ADGB: variants seen among roughly 807,000 people sequenced by gnomAD.
ADGB encodes the protein calpain-7-like protein.
Under a neutral mutation model 210.5 loss-of-function variants are expected in ADGB, and 172 were observed. The observed-to-expected ratio is 0.82, with a 90% CI of 0.72 to 0.93. The LOEUF is 0.93. Ranked by LOEUF, ADGB falls within the 40% of genes least tolerant of loss-of-function variation. The pLI, the probability that ADGB is intolerant of heterozygous loss-of-function variation, is 0.00. For synonymous variants in ADGB, 658 were observed against 662.7 expected (o/e 0.99, Z 0.11); for missense variants, 2,025 against 1,964.8 (o/e 1.03, Z -0.58).
At chr6:146,689,517 A>T (rs1776274022) in intron 10 of ADGB, among the ~76,000 whole-genome samples, 1 of 152,132 alleles carries the variant, frequency 6.6e-6, no homozygotes, top group Non-Finnish European at 1.5e-5. Flanking sequence ...TACATTTCCA[A>T]ATGCTTTAAA....
chr6:146,747,783 ATT>A lies in ADGB; in HGVS notation c.3365+1686_3365+1687del, dbSNP rs66842165. 2.0e-3 allele frequency among the ~76,000 whole-genome samples: 283 copies of A among 140,980 alleles called. 1 individual carries two copies. Among genetic ancestry groups the A allele is most frequent in the Middle Eastern group, 3.6e-3 (1 of 274 alleles). 92.5% of individuals were successfully genotyped at this position (140,980 alleles called of 152,430 possible). ...TGTATATACATATATATATATATGTATTTTTTTTTTTTTGAGACAGAGTCTCA... is the reference window on the plus strand; with the variant it reads ...TGTATATACATATATATATATATGTATTTTTTTTTTTGAGACAGAGTCTCA... On this transcript the variant is annotated intron_variant, in intron 26 of 35. Coordinates refer to ENST00000397944, the MANE Select transcript of ADGB (RefSeq NM_024694.4).
chr6:146,636,863 A>G (rs1775431252), intron 2 of ADGB, among the ~76,000 whole-genome samples: 1 of 152,014 alleles, frequency 6.6e-6, no homozygotes, highest in African/African-American at 2.4e-5. Context: ...ATCCAAATAT[A>G]ACAAGTATCC....
At chr6:146,721,150 A>G (rs2114571323) in intron 16 of ADGB, among the ~76,000 whole-genome samples, 1 of 152,264 alleles carries the variant, frequency 6.6e-6, no homozygotes, top group Middle Eastern at 3.4e-3. Context: ...CTCATAGAGG[A>G]GAGCTCTGCC....
At chr6:146,604,857 A>C (rs1179947057) in intron 1 of ADGB, among the ~76,000 whole-genome samples, 1 of 152,160 alleles carries the variant, frequency 6.6e-6, no homozygotes, top group Non-Finnish European at 1.5e-5. Context: ...GTGGGGGTAG[A>C]GTAGAGGAAT....
rs573694017 is a variant in ADGB at position 146,657,744 on chromosome 6, A to G, written c.612+764A>G. Among the ~76,000 whole-genome samples the G allele has an allele frequency of 7.2e-5, 11 of 152,290 alleles. No individual in the cohort carries two copies. The East Asian group carries it at 2.1e-3, about 29-fold the overall frequency. On this transcript the variant is annotated intron_variant, in intron 5 of 35. Coordinates refer to ENST00000397944, the MANE Select transcript of ADGB (RefSeq NM_024694.4). ...CCAGTCCTCTTCTGGCTTTTGCTGT[A>G]GCTGAGGGGCCTGATCCCATCAGTT... is the stretch of plus-strand genomic sequence containing the variant.
At chr6:146,651,226 C>G (rs998890440) in intron 3 of ADGB, among the ~76,000 whole-genome samples, 1 of 152,206 alleles carries the variant, frequency 6.6e-6, no homozygotes, top group African/African-American at 2.4e-5. Flanking sequence ...CCTGCCCTGC[C>G]TGGTAGCATT....
In ADGB at chr6:146,741,156, C is replaced by A; in HGVS notation, c.3062C>A (p.Pro1021His). The change falls in exon 25 of 36, where the codon CCC becomes CAC. Residue 1021 changes from proline (P) to histidine (H), a missense_variant. By Grantham distance (77) the Pro-to-His change is moderately conservative. Transcript: ENST00000397944. ...FLVHQDMILV[P>H]KVYTTLPICI... ...GTTCATCAAGACATGATTTTGGTTC[C>A]CAAAGTATATACTACACTTCCAATC... The A allele has an allele frequency of 6.5e-7, 1 of 1,535,376 alleles. No homozygotes were observed. Among genetic ancestry groups the A allele is most frequent in the East Asian group, 2.5e-5 (1 of 39,758 alleles).
At chr6:146,664,426 T>A in intron 6 of ADGB, 86 bp downstream of exon 6, 1 of 1,308,878 alleles carries the variant, frequency 7.6e-7, no homozygotes, top group Non-Finnish European at 1.0e-6. Context: ...TTTATTTTTT[T>A]AAAATTAGCT....
chr6:146,605,747 C>T (rs754088782), intron 1 of ADGB, among the ~76,000 whole-genome samples: 7 of 152,108 alleles, frequency 4.6e-5, no homozygotes, highest in South Asian at 4.1e-4. Context: ...GTGTAAAAAA[C>T]GTAGCAAAAT....
chr6:146,716,185 T>G (rs192677790), intron 14 of ADGB, among the ~76,000 whole-genome samples: 1 of 152,332 alleles, frequency 6.6e-6, no homozygotes, highest in Non-Finnish European at 1.5e-5. Context: ...CTTTCAAGTT[T>G]TCATTTCCCT....
At chr6:146,807,327 A>G (rs1219478385) in intron 35 of ADGB, 29 of 1,452,122 alleles carry the variant, frequency 2.0e-5, no homozygotes, top group Non-Finnish European at 2.7e-5. Flanking sequence ...GGCTAAAGGA[A>G]TTTCATTTTT....
chr6:146,655,244 G>T (rs138115293), intron 4 of ADGB, among the ~76,000 whole-genome samples: 14 of 152,268 alleles, frequency 9.2e-5, no homozygotes, highest in African/African-American at 3.4e-4. Flanking sequence ...CAATGGACAT[G>T]AAGTGGCTGC....
At chr6:146,811,188 T>C (rs1206655457) in intron 35 of ADGB, among the ~76,000 whole-genome samples, 3 of 152,154 alleles carry the variant, frequency 2.0e-5, no homozygotes, top group Non-Finnish European at 4.4e-5. Context: ...TTTGAATGTT[T>C]CCATATTTTT....
chr6:146,747,753 G>A (rs1468575519), intron 26 of ADGB, among the ~76,000 whole-genome samples: 2 of 148,798 alleles, frequency 1.3e-5, no homozygotes, highest in African/African-American at 5.0e-5. Flanking sequence ...ATATATATAT[G>A]CATGTGTATA....
At chr6:146,700,871 C>T (rs1583596241) in intron 12 of ADGB, 70 bp from the exon 13 acceptor site, 2 of 1,455,720 alleles carry the variant, frequency 1.4e-6, no homozygotes, top group East Asian at 2.5e-5. Flanking sequence ...GACAAAAATG[C>T]AGTTATTTAT....
chr6:146,803,535 A>T, intron 35 of ADGB: 3 of 1,590,318 alleles, frequency 1.9e-6, no homozygotes, highest in Non-Finnish European at 2.6e-6. Context: ...GGCTTTTCAC[A>T]GTTTGTCCAA....
chr6:146,785,592 C>A lies in ADGB; in HGVS notation c.4213-18C>A. 1 of 1,542,168 alleles carries A rather than the reference C, an allele frequency of 6.5e-7. No individual in the cohort carries two copies. The highest frequency in any genetic ancestry group is 8.8e-7 in the Non-Finnish European group (1 of 1,139,086). ...CTTTTGAAGAGCTTTTAAAAAGCTG[C>A]TCATGTTTGTTTTTTAGGCTTCTCA... is the stretch of plus-strand genomic sequence containing the variant. On this transcript the variant is annotated intron_variant, in intron 31 of 35. Coordinates refer to ENST00000397944, the MANE Select transcript of ADGB (RefSeq NM_024694.4).
chr6:146,766,131 G>T (rs547914178), intron 28 of ADGB, among the ~76,000 whole-genome samples: 89 of 152,174 alleles, frequency 5.8e-4, no homozygotes, highest in African/African-American at 2.0e-3. Flanking sequence ...GGTGGTAGGG[G>T]TGAGGGGGGC....
At chr6:146,682,172 A>C (rs1776167041) in intron 9 of ADGB, among the ~76,000 whole-genome samples, 1 of 152,144 alleles carries the variant, frequency 6.6e-6, no homozygotes, top group Non-Finnish European at 1.5e-5. Context: ...GGGACTCAAA[A>C]TTTCAGGCTG....
Sources: gnomAD v4.1 joint callset for allele counts (sites outside exome capture counted in the v4.1 genomes callset) on GRCh38, gnomAD v4.1.1 for gene constraint, MANE v1.5 for transcripts, NCBI Gene and HGNC (gene_info 2026-07-23, HGNC 2026-07-21) for gene names.